The following WNK1 variants were observed in gnomAD, a reference collection of about 807,000 sequenced individuals.
WNK1 encodes WNK lysine deficient protein kinase 1.
In WNK1, 38 loss-of-function variants were observed where a neutral mutation model predicts 222.8. The ratio of observed to expected loss-of-function variants is 0.17; its 90% CI spans 0.13 to 0.22. The LOEUF (loss-of-function observed/expected upper bound fraction) is 0.22, where lower values mean the gene tolerates loss of function less well. WNK1 is among the 10% of genes least tolerant of loss of function. WNK1 has a pLI of 1.00. For missense variants in WNK1, 2,348 were observed against 2,918.4 expected, an observed-to-expected ratio of 0.80 and a Z score of 4.50; for synonymous variants, 1,090 against 1,092.9, an observed-to-expected ratio of 1.00 and a Z score of 0.05.
chr12:765,455 G>C (rs1368225676), intron 1 of WNK1, among the ~76,000 whole-genome samples: 1 of 147,594 alleles, frequency 6.8e-6, no homozygotes, highest in Non-Finnish European at 1.5e-5. Flanking sequence ...ACTGAACTGG[G>C]TGGATTGCTT....
At chr12:865,172 C>G (rs72649831) in intron 8 of WNK1, 1 of 1,514,500 alleles carries the variant, frequency 6.6e-7, no homozygotes, top group South Asian at 1.2e-5. Context: ...CTCTGTGTCC[C>G]GCATCTCTCC....
chr12:896,426 C>CGGA lies in WNK1; in HGVS notation c.5939_5940insGGA (p.Pro1980_Phe1981insAsp), dbSNP rs1954737031. ...AAAGAAGGACCAGTGGCATCTCCTC[C>CGGA]TTTTATGGATTTGGAACAAGCTGTT... On this transcript the variant is annotated inframe_insertion, in exon 24 of 28. Coordinates refer to ENST00000315939, the MANE Select transcript of WNK1 (RefSeq NM_018979.4). 4 of 1,613,926 alleles carry CGGA rather than the reference C, an allele frequency of 2.5e-6. No homozygotes were observed. The highest frequency in any genetic ancestry group is 3.4e-6 in the Non-Finnish European group (4 of 1,180,010).
intron 2 of WNK1, among the ~76,000 whole-genome samples, chr12:825,166 T>C (rs187417479): frequency 6.6e-6 from 1 of 152,304 alleles, no homozygotes; most frequent in African/African-American, 2.4e-5. Flanking sequence ...TATCGGAAAA[T>C]GCCCTTATGC....
intron 4 of WNK1, chr12:851,470 C>G: frequency 8.7e-7 from 1 of 1,143,174 alleles, no homozygotes; most frequent in East Asian, 6.1e-5. Flanking sequence ...GAATAGTTTT[C>G]CTGCTGTTGG....
At chr12:878,115 T>C (rs1592140727) in intron 9 of WNK1, 97 bp from the exon 10 acceptor site, 8 of 1,483,502 alleles carry the variant, frequency 5.4e-6, no homozygotes, top group Non-Finnish European at 7.5e-6. Context: ...AAATCATCAT[T>C]ATTTACAGAC....
chr12:869,216 AT>A, intron 8 of WNK1: 1 of 1,465,456 alleles, frequency 6.8e-7, no homozygotes, highest in Non-Finnish European at 9.6e-7. Context: ...ATATTGTTTA[AT>A]TTTATCAGTA....
intron 8 of WNK1, chr12:868,126 T>C: frequency 1.2e-6 from 2 of 1,613,996 alleles, no homozygotes; most frequent in East Asian, 4.5e-5. Flanking sequence ...AGGCCGTAGT[T>C]ATGTTGGGTA....
chr12:845,784 C>T (rs368793556), intron 4 of WNK1, among the ~76,000 whole-genome samples: 10 of 152,234 alleles, frequency 6.6e-5, no homozygotes, highest in African/African-American at 2.4e-4. Context: ...TTATGTTAAC[C>T]AGTGACATTC....
At chr12:780,753 A>G (rs1222349554) in intron 1 of WNK1, among the ~76,000 whole-genome samples, 4 of 152,238 alleles carry the variant, frequency 2.6e-5, no homozygotes, top group African/African-American at 9.6e-5. Flanking sequence ...AATGCAAACT[A>G]TAGAAGAATG....
intron 9 of WNK1, among the ~76,000 whole-genome samples, chr12:872,772 G>A (rs977807264): frequency 1.1e-4 from 16 of 152,144 alleles, no homozygotes; most frequent in African/African-American, 3.1e-4. Context: ...CAAAGTTTTC[G>A]GTTCTTAATT....
chr12:767,025 C>T (rs972713419), intron 1 of WNK1, among the ~76,000 whole-genome samples: 1 of 152,182 alleles, frequency 6.6e-6, no homozygotes, highest in African/African-American at 2.4e-5. Context: ...GGTCTGCCCA[C>T]CTGGGCCTCC....
At chr12:808,111 C>T (rs1178552015) in intron 1 of WNK1, among the ~76,000 whole-genome samples, 1 of 149,972 alleles carries the variant, frequency 6.7e-6, no homozygotes, top group Non-Finnish European at 1.5e-5. Flanking sequence ...AGGAAGACCT[C>T]CTGCAAGACC....
chr12:840,274 T>A (rs1949522777), intron 4 of WNK1, among the ~76,000 whole-genome samples: 2 of 147,500 alleles, frequency 1.4e-5, no homozygotes, highest in African/African-American at 5.0e-5. Flanking sequence ...ACTACAGACA[T>A]GTGCCACCAT....
chr12:891,903 A>T (rs949669020), intron 22 of WNK1, among the ~76,000 whole-genome samples: 4 of 151,664 alleles, frequency 2.6e-5, no homozygotes, highest in African/African-American at 9.7e-5. Context: ...ACTCCATCCT[A>T]GGTGGCAGAG....
At chr12:783,441 C>T (rs1289808879) in intron 1 of WNK1, among the ~76,000 whole-genome samples, 1 of 151,142 alleles carries the variant, frequency 6.6e-6, no homozygotes, top group African/African-American at 2.4e-5. Context: ...TTGCTTGAGC[C>T]CAGGAGTTTG....
At chr12:858,563 C>T (rs968839113) in intron 5 of WNK1, among the ~76,000 whole-genome samples, 1 of 152,116 alleles carries the variant, frequency 6.6e-6, no homozygotes, top group Admixed American at 6.6e-5. Flanking sequence ...GATTGTTTCA[C>T]AATCAGACTT....
At chr12:789,278 T>C (rs1005541988) in intron 1 of WNK1, among the ~76,000 whole-genome samples, 2 of 152,156 alleles carry the variant, frequency 1.3e-5, no homozygotes, top group African/African-American at 4.8e-5. Context: ...CCCAATGATT[T>C]TCCATTCTAG....
At chr12:820,353 T>C (rs1464784790) in intron 2 of WNK1, among the ~76,000 whole-genome samples, 1 of 152,184 alleles carries the variant, frequency 6.6e-6, no homozygotes, top group African/African-American at 2.4e-5. Flanking sequence ...CTTTTCAGAT[T>C]GTTAATTGCT....
At chr12:854,110 G>C (rs1224909400) in intron 4 of WNK1, among the ~76,000 whole-genome samples, 1 of 151,700 alleles carries the variant, frequency 6.6e-6, no homozygotes, top group Non-Finnish European at 1.5e-5. Context: ...GCTCATGCCA[G>C]TAATCCCAGC....
Sources: allele counts gnomAD v4.1 joint callset (sites outside exome capture counted in the v4.1 genomes callset), GRCh38; gene constraint gnomAD v4.1.1; transcripts MANE v1.5; gene names NCBI Gene and HGNC (gene_info 2026-07-23, HGNC 2026-07-21).